Variants in NCK1 observed in about 807,000 individuals in gnomAD.
The protein encoded by NCK1 is SH2/SH3 adapter protein NCK1.
In NCK1, 19 loss-of-function variants were observed where a neutral mutation model predicts 36.6. The ratio of observed to expected loss-of-function variants is 0.52; its 90% CI spans 0.36 to 0.76. The LOEUF is 0.76. NCK1 is among the 30% of genes least tolerant of loss of function. The pLI, the probability that NCK1 is intolerant of heterozygous loss-of-function variation, is 0.00. For missense variants in NCK1, 358 were observed against 445.6 expected (o/e 0.80, Z 1.77); for synonymous variants, 165 against 156.0 (o/e 1.06, Z -0.43).
At chr3:136,943,520 T>C (rs1328551929) in intron 2 of NCK1, among the ~76,000 whole-genome samples, 1 of 152,206 alleles carries the variant, frequency 6.6e-6, no homozygotes, top group Non-Finnish European at 1.5e-5. Flanking sequence ...TTATAGAAAA[T>C]GAAAGTGTAT....
chr3:136,870,028 G>GTTTTTT (rs749807329), intron 1 of NCK1, among the ~76,000 whole-genome samples: 91 of 96,776 alleles, frequency 9.4e-4, no homozygotes, highest in African/African-American at 3.1e-3. Context: ...TTTCTCAAAA[G>GTTTTTT]TTTTTTTTTT....
In NCK1 at chr3:136,907,194, A is replaced by G. The variant is rs565214093; in HGVS notation, c.-18-20790A>G. Among the ~76,000 whole-genome samples, 4 of 152,230 alleles carry G rather than the reference A, an allele frequency of 2.6e-5. No homozygotes were observed. In the South Asian group the frequency reaches 6.2e-4, roughly 24 times the overall value. On this transcript the variant is annotated intron_variant, in intron 1 of 3. Coordinates refer to ENST00000481752, the MANE Select transcript of NCK1 (RefSeq NM_001291999.2). ...GTGGAATTTTTCCTCAGTGCATGAA[A>G]ATGCACGGGTCCCCCTCTGCTGCAG...
chr3:136,880,774 A>AT (rs1336054028), intron 1 of NCK1, among the ~76,000 whole-genome samples: 3 of 152,086 alleles, frequency 2.0e-5, no homozygotes, highest in Middle Eastern at 3.4e-3. Flanking sequence ...ATACTAGCTA[A>AT]TTTTTTGACC....
intron 1 of NCK1, among the ~76,000 whole-genome samples, chr3:136,864,087 C>G (rs985122952): frequency 5.3e-5 from 8 of 150,446 alleles, no homozygotes; most frequent in African/African-American, 2.0e-4. Context: ...GGCGACAGAG[C>G]GAGACTCCGT....
intron 2 of NCK1, chr3:136,930,686 G>T (rs994454309): frequency 9.0e-7 from 1 of 1,106,210 alleles, no homozygotes; most frequent in Non-Finnish European, 1.2e-6. Context: ...CTCTTATTTG[G>T]TGGGTTTATG....
At chr3:136,924,419 G>A (rs778540986) in intron 1 of NCK1, among the ~76,000 whole-genome samples, 82 of 152,140 alleles carry the variant, frequency 5.4e-4, no homozygotes, top group Non-Finnish European at 1.0e-3. Context: ...ATGACATAGA[G>A]TGGGGAAAGA....
intron 2 of NCK1, among the ~76,000 whole-genome samples, chr3:136,940,792 G>C (rs1371420879): frequency 6.6e-6 from 1 of 151,982 alleles, no homozygotes; most frequent in East Asian, 1.9e-4. Flanking sequence ...TGATCCACCC[G>C]CCTCGGCTTC....
intron 1 of NCK1, among the ~76,000 whole-genome samples, chr3:136,913,448 TG>T (rs1216186575): frequency 6.6e-6 from 1 of 152,064 alleles, no homozygotes; most frequent in Non-Finnish European, 1.5e-5. Flanking sequence ...TTTTATTTTT[TG>T]TAGAGACAGG....
In NCK1 at chr3:136,893,424, A is replaced by G. The variant is rs183510026; in HGVS notation, c.-19+31071A>G. On this transcript the variant is annotated intron_variant, in intron 1 of 3. Transcript: ENST00000481752. Reference sequence around the variant, plus strand: ...TTAGTGATGTTGAACATTTTTTCATATGTTGGCCATTTGTGTATCTTCGTT... The same window carrying G: ...TTAGTGATGTTGAACATTTTTTCATGTGTTGGCCATTTGTGTATCTTCGTT... 3.3e-5 allele frequency among the ~76,000 whole-genome samples: 5 copies of G among 151,724 alleles called. No individual in the cohort carries two copies. The East Asian group carries it at 9.7e-4, about 30-fold the overall frequency.
At chr3:136,892,715 G>C (rs888562556) in intron 1 of NCK1, among the ~76,000 whole-genome samples, 3 of 152,044 alleles carry the variant, frequency 2.0e-5, no homozygotes, top group African/African-American at 4.8e-5. Flanking sequence ...TCACAAATTT[G>C]TGTTGTTTTA....
At position 136,928,527 on chromosome 3, in the gene NCK1, T is replaced by G. The variant is rs577864521; in HGVS notation, c.226+300T>G. 17 of 300,366 alleles carry G rather than the reference T, an allele frequency of 5.7e-5. 1 individual carries two copies. The South Asian group carries it at 1.1e-3, about 20-fold the overall frequency. 18.6% of individuals were successfully genotyped at this position (300,366 alleles called of 1,614,324 possible). A position where few individuals can be genotyped will look rare whatever the true frequency, so the allele number is the denominator to read the frequency against. ...CATGAATCACTGTTGGAGTTTAGAC[T>G]TATAGGCAGAATTGCCTCTTTGGCA... On this transcript the variant is annotated intron_variant, in intron 2 of 3. Transcript: ENST00000481752.
At chr3:136,894,223 G>A (rs1939334109) in intron 1 of NCK1, among the ~76,000 whole-genome samples, 1 of 152,122 alleles carries the variant, frequency 6.6e-6, no homozygotes, top group Non-Finnish European at 1.5e-5. Flanking sequence ...ATTACCCTCA[G>A]GATCTCTAGT....
intron 1 of NCK1, among the ~76,000 whole-genome samples, chr3:136,919,239 T>C (rs916576720): frequency 1.3e-4 from 19 of 150,842 alleles, no homozygotes; most frequent in African/African-American, 4.6e-4. Flanking sequence ...TGAGGGGGAG[T>C]GATAGAACTG....
intron 1 of NCK1, among the ~76,000 whole-genome samples, chr3:136,878,179 C>T (rs6807626): frequency 2.1e-4 from 32 of 152,230 alleles, no homozygotes; most frequent in African/African-American, 7.5e-4. Flanking sequence ...GAGGCCAAGA[C>T]GGGCAGATCA....
chr3:136,902,777 C>T (rs1038558557), intron 1 of NCK1, among the ~76,000 whole-genome samples: 1 of 152,080 alleles, frequency 6.6e-6, no homozygotes, highest in Non-Finnish European at 1.5e-5. Context: ...AAACTGTCCC[C>T]CTTTGCTGAT....
chr3:136,909,043 C>T (rs1417434562), intron 1 of NCK1, among the ~76,000 whole-genome samples: 1 of 152,098 alleles, frequency 6.6e-6, no homozygotes, highest in Non-Finnish European at 1.5e-5. Flanking sequence ...ATGCCTTCCT[C>T]CTTGTTGTTA....
chr3:136,873,253 C>T (rs949179411), intron 1 of NCK1, among the ~76,000 whole-genome samples: 3 of 152,164 alleles, frequency 2.0e-5, no homozygotes, highest in African/African-American at 7.2e-5. Context: ...TCAGCATGAC[C>T]TGGATGTGAG....
chr3:136,899,836 C>T, intron 1 of NCK1: 4 of 1,476,666 alleles, frequency 2.7e-6, no homozygotes, highest in Non-Finnish European at 3.8e-6. Context: ...ACTTCTAAGT[C>T]TCTCTGGTAG....
chr3:136,868,255 A>G (rs181856594), intron 1 of NCK1, among the ~76,000 whole-genome samples: 5 of 152,288 alleles, frequency 3.3e-5, no homozygotes, highest in Admixed American at 2.0e-4. Context: ...TAAAGTCTAT[A>G]TACAGTTTCT....
Sources: allele counts gnomAD v4.1 joint callset (sites outside exome capture counted in the v4.1 genomes callset), GRCh38; gene constraint gnomAD v4.1.1; transcripts MANE v1.5; gene names NCBI Gene and HGNC (gene_info 2026-07-23, HGNC 2026-07-21).